Variants in VPS53 observed in about 807,000 individuals in gnomAD.
The protein encoded by VPS53 is vacuolar protein sorting-associated protein 53 homolog.
VPS53 carries 70 observed loss-of-function variants against 107.0 expected under a neutral mutation model. The ratio of observed to expected loss-of-function variants is 0.65; its 90% CI spans 0.54 to 0.80. The LOEUF is 0.80. VPS53 is among the 30% of genes least tolerant of loss of function. VPS53 has a pLI of 0.00. For missense variants in VPS53, 917 were observed against 1,049.4 expected (o/e 0.87, Z 1.74); for synonymous variants, 409 against 393.3 (o/e 1.04, Z -0.47).
At chr17:563,287 CTT>C (rs36076034) in intron 13 of VPS53, among the ~76,000 whole-genome samples, 207 of 103,294 alleles carry the variant, frequency 2.0e-3, no homozygotes, top group African/African-American at 5.2e-3. Flanking sequence ...ACTTCATTTC[CTT>C]TTTTTTTTTT....
Position 621,355 on chromosome 17 carries a change from G to A in VPS53, c.1116+2178C>T, listed in dbSNP as rs1175046600. Among the ~76,000 whole-genome samples the A allele has an allele frequency of 2.6e-5, 4 of 152,212 alleles. No individual in the cohort carries two copies. The East Asian group carries it at 7.7e-4, about 29-fold the overall frequency. On this transcript the variant is annotated intron_variant, in intron 11 of 21. Coordinates refer to ENST00000437048, the MANE Select transcript of VPS53 (RefSeq NM_001128159.3). ...TTCAATAATAAACATTACAGACACA[G>A]CCAAGCCTTTTGCTTTTAAGGCTGC...
chr17:685,845 ACT>A (rs1267441691), intron 4 of VPS53, among the ~76,000 whole-genome samples: 1 of 152,068 alleles, frequency 6.6e-6, no homozygotes, highest in Non-Finnish European at 1.5e-5. Flanking sequence ...ACAAAAAAAA[ACT>A]TTTTAAATTA....
rs1017862278 is a variant in VPS53 at position 663,273 on chromosome 17, T to G, written c.286-1378A>C. ...AATAAAAACCTACAAGGACAGATGC[T>G]ACACAATGAAAGTATTACAACACAG... On this transcript the variant is annotated intron_variant, in intron 4 of 21. Coordinates refer to ENST00000437048, the MANE Select transcript of VPS53 (RefSeq NM_001128159.3). Among the ~76,000 whole-genome samples the G allele has an allele frequency of 1.6e-4, 24 of 152,272 alleles. No homozygotes were observed. The South Asian group carries it at 5.0e-3, about 32-fold the overall frequency.
At chr17:534,038 C>T (rs959690091) in intron 18 of VPS53, among the ~76,000 whole-genome samples, 3 of 151,968 alleles carry the variant, frequency 2.0e-5, no homozygotes, top group African/African-American at 4.8e-5. Flanking sequence ...TAGGGTTTCA[C>T]CATGTTGGCC....
intron 2 of VPS53, among the ~76,000 whole-genome samples, chr17:702,978 C>T (rs1044292112): frequency 2.0e-5 from 3 of 152,260 alleles, no homozygotes; most frequent in East Asian, 1.9e-4. Flanking sequence ...GGCCAAGGTA[C>T]GTGGGTTTCC....
At chr17:594,650 C>T in intron 12 of VPS53, among the ~76,000 whole-genome samples, 1 of 141,618 alleles carries the variant, frequency 7.1e-6, no homozygotes. Flanking sequence ...GGATCAATTT[C>T]CTGATTTGAT....
At chr17:689,664 A>G (rs1972711071) in intron 4 of VPS53, among the ~76,000 whole-genome samples, 1 of 151,842 alleles carries the variant, frequency 6.6e-6, no homozygotes, top group Non-Finnish European at 1.5e-5. Flanking sequence ...AGTAAAGCCC[A>G]GGTTTCCCCA....
intron 18 of VPS53, among the ~76,000 whole-genome samples, chr17:533,732 G>T (rs758043015): frequency 9.2e-5 from 14 of 152,150 alleles, no homozygotes; most frequent in Non-Finnish European, 1.8e-4. Flanking sequence ...TGCTTCACCT[G>T]ACTATTAAGG....
chr17:694,767 G>A (rs399840), intron 4 of VPS53, among the ~76,000 whole-genome samples: 30,571 of 152,200 alleles, frequency 0.2, 3,734 homozygotes, highest in Non-Finnish European at 0.27. Context: ...ATGTTGTGGG[G>A]GTTTTGCTGT....
chr17:585,864 T>C (rs1165526922), intron 13 of VPS53, among the ~76,000 whole-genome samples: 1 of 152,196 alleles, frequency 6.6e-6, no homozygotes, highest in East Asian at 1.9e-4. Context: ...TTTTGTCCTA[T>C]TTTTGTAACT....
At chr17:644,478 A>G (rs1024260414) in intron 7 of VPS53, among the ~76,000 whole-genome samples, 1 of 152,238 alleles carries the variant, frequency 6.6e-6, no homozygotes, top group Non-Finnish European at 1.5e-5. Context: ...GCTAAAAATA[A>G]GAAGTCTGGA....
intron 4 of VPS53, among the ~76,000 whole-genome samples, chr17:663,785 A>T (rs2143630417): frequency 6.6e-6 from 1 of 151,992 alleles, no homozygotes; most frequent in Non-Finnish European, 1.5e-5. Context: ...CCTCCCATAT[A>T]CCAGGCATGA....
chr17:561,592 G>C (rs9907102), intron 14 of VPS53, among the ~76,000 whole-genome samples: 2 of 151,954 alleles, frequency 1.3e-5, no homozygotes, highest in African/African-American at 4.8e-5. Context: ...AAAAAGTTAC[G>C]TTCTCTTTGG....
rs16953529 is a variant in VPS53 at position 551,745 on chromosome 17, C to A, written c.1866+127G>T. 11,864 of 728,934 alleles carry A rather than the reference C, an allele frequency of 0.016. 504 individuals carry two copies. The highest frequency in any genetic ancestry group is 0.12 in the African/African-American group (6,829 of 55,354). The allele number at this position is 728,934 out of a possible 1,614,324, so 45.2% of individuals were successfully genotyped here. A position where few individuals can be genotyped will look rare whatever the true frequency, so the allele number is the denominator to read the frequency against. ...CTGAGTGCTTTCAGGAACTCCGGGG[C>A]CTCTCCATTCTCCTCAGCTGATCCT... is the stretch of plus-strand genomic sequence containing the variant. On this transcript the variant is annotated intron_variant, in intron 17 of 21. Coordinates refer to ENST00000437048, the MANE Select transcript of VPS53 (RefSeq NM_001128159.3).
At chr17:610,753 TAAAAAAA>T (rs34089454) in intron 11 of VPS53, among the ~76,000 whole-genome samples, 1 of 128,910 alleles carries the variant, frequency 7.8e-6, no homozygotes, top group Admixed American at 7.8e-5. Context: ...CCGCCTCTAC[TAAAAAAA>T]AAAAAAAAAA....
chr17:682,455 A>G (rs1972432803), intron 4 of VPS53, among the ~76,000 whole-genome samples: 1 of 152,192 alleles, frequency 6.6e-6, no homozygotes, highest in Admixed American at 6.5e-5. Context: ...CAGGAAAGAC[A>G]GGACAGGAGA....
intron 13 of VPS53, among the ~76,000 whole-genome samples, chr17:568,750 A>G (rs1754283122): frequency 6.6e-6 from 1 of 152,172 alleles, no homozygotes; most frequent in Admixed American, 6.5e-5. Flanking sequence ...CAAATTTCTC[A>G]CTGTTGTAGA....
Position 513,334 on chromosome 17 carries a change from TA to T in VPS53, c.*5793del. Reference sequence around the variant, plus strand: ...TATTTACACAAAGAAGCAATCCCTTTATTTTAAGGAAATTTATATCTCCCAA... The same window carrying T: ...TATTTACACAAAGAAGCAATCCCTTTTTTTAAGGAAATTTATATCTCCCAA... On this transcript the variant is annotated 3_prime_UTR_variant, in exon 22 of 22. Coordinates refer to ENST00000437048, the MANE Select transcript of VPS53 (RefSeq NM_001128159.3). The T allele has an allele frequency of 6.6e-6, 1 of 152,348 alleles. No homozygotes were observed. Among genetic ancestry groups the T allele is most frequent in the Admixed American group, 6.5e-5 (1 of 15,304 alleles). The allele number at this position is 152,348 out of a possible 1,614,324, so 9.4% of individuals were successfully genotyped here.
At position 517,044 on chromosome 17, in the gene VPS53, T is replaced by C. The variant is rs1268168984; in HGVS notation, c.*2084A>G. On this transcript the variant is annotated 3_prime_UTR_variant, in exon 22 of 22. Coordinates refer to ENST00000437048, the MANE Select transcript of VPS53 (RefSeq NM_001128159.3). ...TGAGGACAGACGGCTGAACTGGCTG[T>C]GCTATTTGGAGATGGGCCCCACCGC... The C allele has an allele frequency of 1.8e-5, 3 of 167,794 alleles. No homozygotes were observed. The highest frequency in any genetic ancestry group is 3.8e-5 in the Non-Finnish European group (3 of 78,874). 10.4% of individuals were successfully genotyped at this position (167,794 alleles called of 1,614,324 possible).
Sources: gnomAD v4.1 joint callset for allele counts (sites outside exome capture counted in the v4.1 genomes callset) on GRCh38, gnomAD v4.1.1 for gene constraint, MANE v1.5 for transcripts, NCBI Gene and HGNC (gene_info 2026-07-23, HGNC 2026-07-21) for gene names.